RAD51B: variants seen among roughly 807,000 people sequenced by gnomAD.
The protein encoded by RAD51B is DNA repair protein RAD51 homolog 2.
Under a neutral mutation model 42.2 loss-of-function variants are expected in RAD51B, and 38 were observed. The ratio of observed to expected loss-of-function variants is 0.90; its 90% CI spans 0.70 to 1.18. The LOEUF (loss-of-function observed/expected upper bound fraction) is 1.18, where lower values mean the gene tolerates loss of function less well. RAD51B is among the 50% of genes most tolerant of loss of function. RAD51B has a pLI of 0.00. For synonymous variants in RAD51B, 154 were observed against 145.2 expected, an observed-to-expected ratio of 1.06 and a Z score of -0.43; for missense variants, 373 against 400.7, an observed-to-expected ratio of 0.93 and a Z score of 0.59.
chr14:68,506,554 G>A (rs548238176), intron 10 of RAD51B, among the ~76,000 whole-genome samples: 2 of 152,340 alleles, frequency 1.3e-5, no homozygotes, highest in African/African-American at 2.4e-5. Context: ...CGTGCACGCC[G>A]GTGCACACGT....
At chr14:67,879,517 A>G (rs928379131) in intron 5 of RAD51B, among the ~76,000 whole-genome samples, 5 of 151,672 alleles carry the variant, frequency 3.3e-5, no homozygotes, top group Non-Finnish European at 7.4e-5. Flanking sequence ...ATCATAGTTC[A>G]CTGTAACCTC....
At chr14:68,579,793 T>C (rs1356757844) in intron 10 of RAD51B, among the ~76,000 whole-genome samples, 1 of 152,194 alleles carries the variant, frequency 6.6e-6, no homozygotes, top group East Asian at 1.9e-4. Flanking sequence ...GCTGCCCCAC[T>C]GTCAGAGTGT....
intron 4 of RAD51B, among the ~76,000 whole-genome samples, chr14:67,860,463 A>G (rs1170914857): frequency 6.6e-6 from 1 of 152,244 alleles, no homozygotes; most frequent in Non-Finnish European, 1.5e-5. Context: ...GGTTGCATAC[A>G]TGTATGCACT....
At chr14:68,490,469 G>A (rs1883977876) in intron 10 of RAD51B, among the ~76,000 whole-genome samples, 1 of 152,142 alleles carries the variant, frequency 6.6e-6, no homozygotes, top group African/African-American at 2.4e-5. Flanking sequence ...GAAAGTATAT[G>A]CTAATTATAA....
At chr14:68,161,069 A>G in intron 7 of RAD51B, among the ~76,000 whole-genome samples, 1 of 152,200 alleles carries the variant, frequency 6.6e-6, no homozygotes, top group Non-Finnish European at 1.5e-5. Flanking sequence ...TTGGGACTCA[A>G]GGGAAGGAAG....
At chr14:68,099,388 T>C (rs963456178) in intron 7 of RAD51B, among the ~76,000 whole-genome samples, 1 of 152,228 alleles carries the variant, frequency 6.6e-6, no homozygotes, top group African/African-American at 2.4e-5. Context: ...TGATTTCCTT[T>C]TCCCAGTCTT....
intron 10 of RAD51B, among the ~76,000 whole-genome samples, chr14:68,530,375 A>C: frequency 6.8e-6 from 1 of 146,608 alleles, no homozygotes; most frequent in East Asian, 2.2e-4. Context: ...GGAGCCCAGA[A>C]GGTCAAGGCT....
chr14:68,272,345 C>T (rs141183485), intron 7 of RAD51B, among the ~76,000 whole-genome samples: 99 of 152,096 alleles, frequency 6.5e-4, no homozygotes, highest in Admixed American at 4.3e-3. Flanking sequence ...ACTTCGCTGC[C>T]GCTGAGAACC....
intron 1 of RAD51B, among the ~76,000 whole-genome samples, chr14:67,820,214 T>C (rs574077782): frequency 6.6e-6 from 1 of 152,314 alleles, no homozygotes; most frequent in East Asian, 1.9e-4. Context: ...TCAGGTGGTG[T>C]TGGAGAGCGT....
intron 7 of RAD51B, among the ~76,000 whole-genome samples, chr14:68,088,702 G>A (rs563262325): frequency 6.8e-6 from 1 of 148,006 alleles, no homozygotes; most frequent in African/African-American, 2.5e-5. Context: ...TGAAGGAAGT[G>A]GGGGAGAGAA....
chr14:68,447,422 G>A (rs2085446493), intron 9 of RAD51B, among the ~76,000 whole-genome samples: 1 of 151,466 alleles, frequency 6.6e-6, no homozygotes, highest in African/African-American at 2.4e-5. Context: ...TCCATCTTAT[G>A]CATTTGCTGT....
chr14:68,258,746 T>C (rs979123261), intron 7 of RAD51B, among the ~76,000 whole-genome samples: 2 of 152,066 alleles, frequency 1.3e-5, no homozygotes, highest in South Asian at 4.1e-4. Flanking sequence ...ACCATCCCCA[T>C]GAGATAGTTT....
At chr14:67,842,207 T>C (rs2041453657) in intron 4 of RAD51B, among the ~76,000 whole-genome samples, 1 of 152,216 alleles carries the variant, frequency 6.6e-6, no homozygotes, top group African/African-American at 2.4e-5. Context: ...TATTGGTGTA[T>C]AGAAAAGCTA....
chr14:68,648,004 CATATATAT>C (rs374934304), intron 10 of RAD51B, among the ~76,000 whole-genome samples: 1 of 108,712 alleles, frequency 9.2e-6, no homozygotes, highest in Admixed American at 9.6e-5. Context: ...AAAAATTGAG[CATATATAT>C]ATATATATAC....
intron 7 of RAD51B, among the ~76,000 whole-genome samples, chr14:68,225,748 A>G (rs1566741653): frequency 6.6e-6 from 1 of 152,200 alleles, no homozygotes; most frequent in Non-Finnish European, 1.5e-5. Flanking sequence ...TTTAATCGCA[A>G]TCTTTATGTA....
chr14:68,168,668 G>A (rs1380300638), intron 7 of RAD51B, among the ~76,000 whole-genome samples: 1 of 152,110 alleles, frequency 6.6e-6, no homozygotes, highest in Non-Finnish European at 1.5e-5. Context: ...TTGATAAAGA[G>A]GTCTATAAAT....
chr14:68,188,580 C>T (rs1019355165), intron 7 of RAD51B, among the ~76,000 whole-genome samples: 3 of 152,122 alleles, frequency 2.0e-5, no homozygotes, highest in South Asian at 2.1e-4. Flanking sequence ...TAATGGGAAT[C>T]GTGAATTGAT....
At chr14:68,621,905 C>A (rs1267641831) in intron 10 of RAD51B, among the ~76,000 whole-genome samples, 2 of 152,200 alleles carry the variant, frequency 1.3e-5, no homozygotes, top group Non-Finnish European at 1.5e-5. Context: ...GGAGGCAGGC[C>A]AAGCAGCCCC....
intron 9 of RAD51B, among the ~76,000 whole-genome samples, chr14:68,443,949 G>A (rs1001492018): frequency 6.6e-6 from 1 of 152,106 alleles, no homozygotes; most frequent in African/African-American, 2.4e-5. Context: ...GTAGTGCTAG[G>A]TACCTTTTCT....
Sources: allele counts gnomAD v4.1 joint callset (sites outside exome capture counted in the v4.1 genomes callset), GRCh38; gene constraint gnomAD v4.1.1; transcripts MANE v1.5; gene names NCBI Gene and HGNC (gene_info 2026-07-23, HGNC 2026-07-21).